ZNF804B: variants seen among roughly 807,000 people sequenced by gnomAD.
ZNF804B encodes the protein zinc finger 804B.
Under a neutral mutation model 101.4 loss-of-function variants are expected in ZNF804B, and 80 were observed. The observed-to-expected ratio is 0.79, with a 90% CI of 0.66 to 0.95. The LOEUF is 0.95. Among genes scored for constraint, ZNF804B ranks in the 40% least tolerant of loss-of-function variants. ZNF804B has a pLI of 0.00. For synonymous variants in ZNF804B, 622 were observed against 558.8 expected (o/e 1.11, Z -1.59); for missense variants, 1,673 against 1,561.9 (o/e 1.07, Z -1.20).
chr7:88,936,816 G>T (rs1384780520), intron 1 of ZNF804B, among the ~76,000 whole-genome samples: 1 of 151,970 alleles, frequency 6.6e-6, no homozygotes, highest in African/African-American at 2.4e-5. Context: ...AAAGTCCTTG[G>T]TGCTGAGGCT....
At chr7:89,043,922 G>T (rs1181657761) in intron 1 of ZNF804B, among the ~76,000 whole-genome samples, 4 of 151,980 alleles carry the variant, frequency 2.6e-5, no homozygotes, top group Non-Finnish European at 4.4e-5. Context: ...TAATAGAAAA[G>T]AAAACATCAA....
At chr7:88,953,241 T>G (rs1236963971) in intron 1 of ZNF804B, among the ~76,000 whole-genome samples, 1 of 151,776 alleles carries the variant, frequency 6.6e-6, no homozygotes, top group African/African-American at 2.4e-5. Context: ...CAGTGATACA[T>G]TCCTTCTTTC....
rs1224612146 is a variant in ZNF804B, at chr7:89,336,232, G to T, written c.3250G>T (p.Gly1084Cys). The T allele has an allele frequency of 6.2e-7, 1 of 1,613,712 alleles. No homozygotes were observed. Among genetic ancestry groups the T allele is most frequent in the Admixed American group, 1.7e-5 (1 of 59,922 alleles). ...TGCTTTTCCGTCTAATAAATATACT[G>T]GTGTGACTGATTCAACAGAGACCCA... Reference protein sequence around the residue: ...PGAFPSNKYTGVTDSTETQED... With the variant: ...PGAFPSNKYTCVTDSTETQED... The change falls in exon 4 of 4, where the codon GGT becomes TGT. Residue 1084 changes from glycine (G) to cysteine (C), a missense_variant. Transcript: ENST00000333190.
At chr7:89,199,718 T>A (rs1271228183) in intron 1 of ZNF804B, among the ~76,000 whole-genome samples, 1 of 151,812 alleles carries the variant, frequency 6.6e-6, no homozygotes, top group African/African-American at 2.4e-5. Context: ...GTTTCAAAAC[T>A]CAGATGTTCC....
intron 1 of ZNF804B, among the ~76,000 whole-genome samples, chr7:89,162,034 A>G (rs1791072917): frequency 6.6e-6 from 1 of 152,176 alleles, no homozygotes; most frequent in Non-Finnish European, 1.5e-5. Flanking sequence ...ATGATATGTC[A>G]TCTTTGAAAA....
intron 1 of ZNF804B, among the ~76,000 whole-genome samples, chr7:89,039,552 G>T (rs969117968): frequency 6.6e-6 from 1 of 151,594 alleles, no homozygotes; most frequent in African/African-American, 2.4e-5. Flanking sequence ...TCTGCAAATT[G>T]AATTTATTTA....
In ZNF804B at chr7:88,775,611, T is replaced by C. The variant is rs190581390; in HGVS notation, c.108+15527T>C. Among the ~76,000 whole-genome samples, 384 of 152,162 alleles carry C rather than the reference T, an allele frequency of 2.5e-3. 2 individuals are homozygous for C. Among genetic ancestry groups the C allele is most frequent in the Non-Finnish European group, 4.3e-3 (293 of 68,004 alleles). On this transcript the variant is annotated intron_variant, in intron 1 of 3. Transcript: ENST00000333190. Reference sequence around the variant, plus strand: ...TAATTTATAAACAAGAAAATAGGAGTTCCAAAGTTGAGTCATCACTAATTT... The same window carrying C: ...TAATTTATAAACAAGAAAATAGGAGCTCCAAAGTTGAGTCATCACTAATTT...
chr7:88,784,802 G>T (rs776688165), intron 1 of ZNF804B, among the ~76,000 whole-genome samples: 31 of 152,084 alleles, frequency 2.0e-4, no homozygotes, highest in Non-Finnish European at 3.7e-4. Flanking sequence ...TGACTTTGAG[G>T]CAGAAATTGA....
At chr7:89,221,872 G>A (rs1789010125) in intron 2 of ZNF804B, among the ~76,000 whole-genome samples, 1 of 151,882 alleles carries the variant, frequency 6.6e-6, no homozygotes. Context: ...TCTACTGTGT[G>A]CTACTGTGTC....
At chr7:89,196,947 T>G (rs150366717) in intron 1 of ZNF804B, among the ~76,000 whole-genome samples, 2 of 152,176 alleles carry the variant, frequency 1.3e-5, no homozygotes, top group African/African-American at 4.8e-5. Flanking sequence ...AGAATGGCTA[T>G]TAGTAAAAAG....
chr7:89,179,621 A>T (rs1241366448), intron 1 of ZNF804B, among the ~76,000 whole-genome samples: 1 of 152,104 alleles, frequency 6.6e-6, no homozygotes, highest in Non-Finnish European at 1.5e-5. Flanking sequence ...TATTTCTGAC[A>T]CTCCAGGATT....
intron 1 of ZNF804B, among the ~76,000 whole-genome samples, chr7:88,913,325 A>G (rs1335223188): frequency 6.6e-6 from 1 of 152,190 alleles, no homozygotes; most frequent in Non-Finnish European, 1.5e-5. Flanking sequence ...ATTCAAATTC[A>G]TTACTTCTGC....
intron 1 of ZNF804B, among the ~76,000 whole-genome samples, chr7:88,866,470 A>G (rs1791729053): frequency 6.6e-6 from 1 of 152,238 alleles, no homozygotes; most frequent in Admixed American, 6.5e-5. Context: ...CAATATGAGT[A>G]GTGTATCTTC....
intron 1 of ZNF804B, among the ~76,000 whole-genome samples, chr7:89,070,242 T>G (rs1789515581): frequency 6.6e-6 from 1 of 152,154 alleles, no homozygotes; most frequent in Admixed American, 6.6e-5. Context: ...ATATCAAGAT[T>G]ATTATGTTTT....
At chr7:89,307,962 G>A (rs1790590514) in intron 2 of ZNF804B, among the ~76,000 whole-genome samples, 1 of 152,008 alleles carries the variant, frequency 6.6e-6, no homozygotes, top group South Asian at 2.1e-4. Context: ...CTTGCAATTA[G>A]TAGGGAGGCA....
At chr7:88,985,168 G>C (rs1363510198) in intron 1 of ZNF804B, among the ~76,000 whole-genome samples, 7 of 150,154 alleles carry the variant, frequency 4.7e-5, no homozygotes, top group Non-Finnish European at 1.0e-4. Flanking sequence ...TGAATTAATG[G>C]ATGAATGAAT....
intron 1 of ZNF804B, among the ~76,000 whole-genome samples, chr7:89,155,962 C>T (rs1228931456): frequency 6.7e-6 from 1 of 148,570 alleles, no homozygotes; most frequent in African/African-American, 2.5e-5. Context: ...CTTCCCTCCT[C>T]TGTCTCTCTC....
At chr7:89,077,567 G>T (rs1789633702) in intron 1 of ZNF804B, among the ~76,000 whole-genome samples, 2 of 152,084 alleles carry the variant, frequency 1.3e-5, no homozygotes, top group Non-Finnish European at 2.9e-5. Flanking sequence ...ACCTTGTGGT[G>T]CCTGGTGATA....
intron 2 of ZNF804B, among the ~76,000 whole-genome samples, chr7:89,218,690 T>C (rs1788933031): frequency 6.6e-6 from 1 of 152,198 alleles, no homozygotes; most frequent in South Asian, 2.1e-4. Flanking sequence ...GGAAGAAGTT[T>C]ACTGTAACAT....
Sources: allele counts gnomAD v4.1 joint callset (sites outside exome capture counted in the v4.1 genomes callset), GRCh38; gene constraint gnomAD v4.1.1; transcripts MANE v1.5; gene names NCBI Gene and HGNC (gene_info 2026-07-23, HGNC 2026-07-21).